Variants in STX3 observed in about 807,000 individuals in gnomAD.
STX3 encodes syntaxin 3, also known as syntaxin-3.
In STX3, 19 loss-of-function variants were observed where a neutral mutation model predicts 40.2. That is an observed-to-expected ratio of 0.47 (90% CI 0.33 to 0.69). The LOEUF (loss-of-function observed/expected upper bound fraction) is 0.69, where lower values mean the gene tolerates loss of function less well. Ranked by LOEUF, STX3 falls within the 30% of genes least tolerant of loss-of-function variation. STX3 has a pLI of 0.02. For missense variants in STX3, 364 were observed against 366.7 expected, an observed-to-expected ratio of 0.99 and a Z score of 0.06; for synonymous variants, 122 against 132.2, an observed-to-expected ratio of 0.92 and a Z score of 0.53.
At chr11:59,780,100 A>C (rs1244788790) in intron 2 of STX3, among the ~76,000 whole-genome samples, 1 of 152,048 alleles carries the variant, frequency 6.6e-6, no homozygotes, top group Non-Finnish European at 1.5e-5. Flanking sequence ...TCTCTGTATC[A>C]CAGGGAACTA....
intron 10 of STX3, chr11:59,800,428 T>C (rs1313499950): frequency 6.1e-6 from 6 of 985,248 alleles, no homozygotes; most frequent in Non-Finnish European, 7.2e-6. Context: ...CCCTGAACTT[T>C]TTCCATAGGC....
At chr11:59,763,564 A>T (rs1863142604) in intron 1 of STX3, among the ~76,000 whole-genome samples, 1 of 152,232 alleles carries the variant, frequency 6.6e-6, no homozygotes, top group African/African-American at 2.4e-5. Context: ...CAAATCTCAC[A>T]GAATAAAAGT....
chr11:59,789,608 T>C (rs1297231815), intron 4 of STX3, among the ~76,000 whole-genome samples: 1 of 152,120 alleles, frequency 6.6e-6, no homozygotes, highest in African/African-American at 2.4e-5. Context: ...GCTCAGTCAA[T>C]TTTTGTATTT....
intron 2 of STX3, among the ~76,000 whole-genome samples, chr11:59,781,100 T>TTTTTTTTTTTTTATA (rs963410109): frequency 5.5e-5 from 8 of 146,352 alleles, no homozygotes; most frequent in Admixed American, 4.1e-4. Flanking sequence ...TTTTTTTTTT[T>TTTTTTTTTTTTTATA]TATATTAGCA....
chr11:59,755,631 A>T lies in STX3; in HGVS notation c.26A>T (p.Lys9Met). The T allele has an allele frequency of 6.3e-7, 1 of 1,593,660 alleles. No individual in the cohort carries two copies. Among genetic ancestry groups the T allele is most frequent in the Non-Finnish European group, 8.5e-7 (1 of 1,175,936 alleles). MKDRLEQL[K>M]AKQLTQDDDT... ...ATGAAGGACCGTCTGGAGCAGCTGAAGGCCGTGAGTTTCGCCGCAGGCGGG... is the reference window on the plus strand; with the variant it reads ...ATGAAGGACCGTCTGGAGCAGCTGATGGCCGTGAGTTTCGCCGCAGGCGGG... Residue 9 changes from lysine to methionine, a missense_variant, in exon 1 of 11, where the codon AAG becomes ATG. Transcript: ENST00000337979.
At chr11:59,763,516 A>G (rs761851995) in intron 1 of STX3, among the ~76,000 whole-genome samples, 11 of 152,218 alleles carry the variant, frequency 7.2e-5, no homozygotes, top group Non-Finnish European at 1.6e-4. Flanking sequence ...CGCATAGAAG[A>G]TTAAGAAATA....
chr11:59,782,534 C>T (rs777967810), intron 2 of STX3, among the ~76,000 whole-genome samples: 2 of 152,154 alleles, frequency 1.3e-5, no homozygotes, highest in Admixed American at 6.5e-5. Context: ...TGATAATTCT[C>T]ATTTCACAGA....
chr11:59,789,586 A>G (rs1227029552), intron 4 of STX3, among the ~76,000 whole-genome samples: 1 of 152,008 alleles, frequency 6.6e-6, no homozygotes, highest in African/African-American at 2.4e-5. Context: ...GATTACAGGC[A>G]TGCACCACCA....
chr11:59,796,902 G>C (rs1309286132), intron 9 of STX3, among the ~76,000 whole-genome samples: 1 of 152,180 alleles, frequency 6.6e-6, no homozygotes, highest in African/African-American at 2.4e-5. Flanking sequence ...CTTGAGCCCA[G>C]GAATTTGAGA....
At position 59,774,702 on chromosome 11, in the gene STX3, G is replaced by A. The variant is rs549111524; in HGVS notation, c.114+1408G>A. Among the ~76,000 whole-genome samples the A allele has an allele frequency of 1.1e-4, 16 of 152,006 alleles. No individual in the cohort carries two copies. In the South Asian group the frequency reaches 3.3e-3, roughly 32 times the overall value. On this transcript the variant is annotated intron_variant, in intron 2 of 10. Transcript: ENST00000337979. ...AAATATTAGCTGGGTGTGGTGGTGGGCACCTGTAATCCCAGCTACCCGAGA... is the reference window on the plus strand; with the variant it reads ...AAATATTAGCTGGGTGTGGTGGTGGACACCTGTAATCCCAGCTACCCGAGA...
intron 2 of STX3, among the ~76,000 whole-genome samples, chr11:59,775,795 G>A (rs867193121): frequency 6.6e-6 from 1 of 152,154 alleles, no homozygotes; most frequent in Non-Finnish European, 1.5e-5. Flanking sequence ...AGACCTTCAG[G>A]GCTGCTGCAT....
At chr11:59,792,367 T>G (rs1218798321) in intron 6 of STX3, 152 bp downstream of exon 6, 1 of 638,232 alleles carries the variant, frequency 1.6e-6, no homozygotes, top group Non-Finnish European at 2.8e-6. Flanking sequence ...CCGAATGCTG[T>G]GCTGTAGGCT....
chr11:59,800,749 A>T, intron 10 of STX3, 106 bp from the exon 11 acceptor site: 32 of 1,521,816 alleles, frequency 2.1e-5, no homozygotes, highest in Non-Finnish European at 2.8e-5. Flanking sequence ...TTTCATAGTG[A>T]TTTCTGGTCT....
intron 1 of STX3, among the ~76,000 whole-genome samples, chr11:59,758,864 T>C (rs1590741767): frequency 6.6e-6 from 1 of 152,198 alleles, no homozygotes; most frequent in African/African-American, 2.4e-5. Flanking sequence ...TGCCAGTCCT[T>C]GTACTAGATG....
chr11:59,788,401 T>G (rs77527169), intron 3 of STX3, among the ~76,000 whole-genome samples: 15,895 of 152,250 alleles, frequency 0.1, 1,173 homozygotes, highest in African/African-American at 0.2. Context: ...GAATGAATGG[T>G]TATAGCTAAC....
intron 4 of STX3, among the ~76,000 whole-genome samples, chr11:59,790,315 A>G (rs574075131): frequency 6.6e-6 from 1 of 152,294 alleles, no homozygotes; most frequent in East Asian, 1.9e-4. Flanking sequence ...CCATGCTGTT[A>G]ACTGTTATGC....
At chr11:59,793,071 T>G (rs371197582) in intron 6 of STX3, 28 bp from the exon 7 acceptor site, 11 of 1,609,874 alleles carry the variant, frequency 6.8e-6, no homozygotes, top group Non-Finnish European at 6.8e-6. Flanking sequence ...GATCTTATAT[T>G]TGACGCTCTA....
Position 59,802,403 on chromosome 11 carries a change from A to G in STX3, c.*1579A>G, listed in dbSNP as rs1865919599. The stretch of plus-strand genomic sequence containing the variant: ...TTCTAGGATAGGGTAAGCACCCTTA[A>G]TTCAGGCACTGTCCATTAGCTTCCT... On this transcript the variant is annotated 3_prime_UTR_variant, in exon 11 of 11. Coordinates refer to ENST00000337979, the MANE Select transcript of STX3 (RefSeq NM_004177.5). 2 of 985,650 alleles carry G rather than the reference A, an allele frequency of 2.0e-6. No homozygotes were observed. Among genetic ancestry groups the G allele is most frequent in the South Asian group, 9.4e-5 (2 of 21,292 alleles). The allele number at this position is 985,650 out of a possible 1,614,324, so 61.1% of individuals were successfully genotyped here.
intron 5 of STX3, 93 bp downstream of exon 5, chr11:59,790,679 T>C: frequency 1.1e-6 from 1 of 927,690 alleles, no homozygotes; most frequent in Non-Finnish European, 1.7e-6. Context: ...ATACAATCCT[T>C]ATTTTGAAAC....
Sources: gnomAD v4.1 joint callset for allele counts (sites outside exome capture counted in the v4.1 genomes callset) on GRCh38, gnomAD v4.1.1 for gene constraint, MANE v1.5 for transcripts, NCBI Gene and HGNC (gene_info 2026-07-23, HGNC 2026-07-21) for gene names.